The following ENTHD1 variants were observed in gnomAD, a reference collection of about 807,000 sequenced individuals.
ENTHD1 encodes ENTH domain containing 1.
A neutral mutation model predicts 39.1 loss-of-function variants in ENTHD1; 23 were observed. The observed-to-expected ratio is 0.59, with a 90% CI of 0.42 to 0.83. The LOEUF (loss-of-function observed/expected upper bound fraction) is 0.83, where lower values mean the gene tolerates loss of function less well. Ranked by LOEUF, ENTHD1 falls within the 40% of genes least tolerant of loss-of-function variation. The pLI is 0.00. For synonymous variants in ENTHD1, 230 were observed against 258.2 expected (o/e 0.89, Z 1.05); for missense variants, 624 against 705.4 (o/e 0.88, Z 1.31).
chr22:39,805,813 T>G (rs1319348298), intron 5 of ENTHD1, among the ~76,000 whole-genome samples: 3 of 152,206 alleles, frequency 2.0e-5, no homozygotes, highest in Non-Finnish European at 4.4e-5. Context: ...TTGTTTGTTT[T>G]TTTTTGAATT....
chr22:39,823,080 A>G (rs796800093), intron 4 of ENTHD1, among the ~76,000 whole-genome samples: 4 of 152,320 alleles, frequency 2.6e-5, no homozygotes, highest in African/African-American at 9.6e-5. Context: ...CTTCATTTCT[A>G]TAGTTGTGAC....
chr22:39,875,885 C>A (rs2066285228), intron 2 of ENTHD1: 1 of 1,613,856 alleles, frequency 6.2e-7, no homozygotes. Context: ...GAGGGACCCA[C>A]AGCATGATCT....
At chr22:39,836,920 G>A (rs569972465) in intron 3 of ENTHD1, among the ~76,000 whole-genome samples, 8 of 152,084 alleles carry the variant, frequency 5.3e-5, no homozygotes, top group Non-Finnish European at 1.0e-4. Flanking sequence ...CATGCTTCCT[G>A]TACAGCCTGC....
chr22:39,793,095 A>G (rs201163354), intron 5 of ENTHD1, among the ~76,000 whole-genome samples: 20 of 152,260 alleles, frequency 1.3e-4, no homozygotes, highest in East Asian at 3.9e-4. Context: ...GCCAGCATTC[A>G]TTATTCCCTA....
intron 3 of ENTHD1, among the ~76,000 whole-genome samples, chr22:39,853,176 T>C (rs181190581): frequency 5.3e-4 from 81 of 152,318 alleles, no homozygotes; most frequent in Non-Finnish European, 7.5e-4. Flanking sequence ...GGAAACAATG[T>C]ATAATGAAAC....
intron 3 of ENTHD1, among the ~76,000 whole-genome samples, chr22:39,859,032 C>T (rs1406314982): frequency 6.6e-6 from 1 of 152,216 alleles, no homozygotes; most frequent in Non-Finnish European, 1.5e-5. Flanking sequence ...TAACTTGCTA[C>T]AGCTTCTCCA....
In ENTHD1 at chr22:39,743,821, C is replaced by A. The variant is rs1569119980; in HGVS notation, c.1682G>T (p.Arg561Ile). 1 of 1,614,120 alleles carries A rather than the reference C, an allele frequency of 6.2e-7. No homozygotes were observed. The highest frequency in any genetic ancestry group is 8.5e-7 in the Non-Finnish European group (1 of 1,180,004). The part of the protein sequence containing the change: ...LLREVKRAIA[R>I]LHEDLSTVIQ... ...CACTGTGCTCAGATCTTCATGTAAT[C>A]TAGCGATCGCACGTTTTACCTCCCT... The change falls in exon 7 of 7, where the codon AGA becomes ATA. Residue 561 changes from arginine to isoleucine, a missense_variant. Physicochemically the swap from Arg to Ile is moderately conservative, Grantham distance 97. Transcript: ENST00000325157.
intron 5 of ENTHD1, among the ~76,000 whole-genome samples, chr22:39,769,209 GA>G (rs1293652587): frequency 1.3e-5 from 2 of 152,238 alleles, no homozygotes; most frequent in Admixed American, 1.3e-4. Flanking sequence ...CCCAATAAAT[GA>G]ATGAACATGA....
intron 3 of ENTHD1, among the ~76,000 whole-genome samples, chr22:39,851,005 C>A (rs766434679): frequency 2.6e-5 from 4 of 152,144 alleles, no homozygotes; most frequent in Non-Finnish European, 5.9e-5. Context: ...GAAGTATACC[C>A]TTTAATGCAG....
chr22:39,762,923 G>T (rs567355958), intron 6 of ENTHD1, among the ~76,000 whole-genome samples: 1 of 151,670 alleles, frequency 6.6e-6, no homozygotes, highest in Non-Finnish European at 1.5e-5. Flanking sequence ...ATTTCTGGCC[G>T]TTTTTTCATA....
chr22:39,874,055 G>C (rs2066266526), intron 2 of ENTHD1, among the ~76,000 whole-genome samples: 1 of 152,150 alleles, frequency 6.6e-6, no homozygotes, highest in South Asian at 2.1e-4. Flanking sequence ...GATGGTGGCA[G>C]GCAAAGAAAG....
intron 5 of ENTHD1, among the ~76,000 whole-genome samples, chr22:39,789,678 A>C (rs776669337): frequency 3.9e-5 from 6 of 152,232 alleles, no homozygotes; most frequent in Non-Finnish European, 7.3e-5. Context: ...GGACAAAAAG[A>C]CAAAGTCTTT....
At chr22:39,853,457 C>T (rs1348461356) in intron 3 of ENTHD1, among the ~76,000 whole-genome samples, 2 of 152,096 alleles carry the variant, frequency 1.3e-5, no homozygotes, top group Non-Finnish European at 2.9e-5. Context: ...ATCACTTGAA[C>T]CTGAGGGGCA....
In ENTHD1 at chr22:39,791,230, A is replaced by G. The variant is rs532347739; in HGVS notation, c.833-25621T>C. Among the ~76,000 whole-genome samples, 11 of 147,938 alleles carry G rather than the reference A, an allele frequency of 7.4e-5. No individual in the cohort carries two copies. In the East Asian group the frequency reaches 1.6e-3, roughly 21 times the overall value. Reference sequence around the variant, plus strand: ...TAATATCTTTAGACTATATATTTAGACTATATAGTTTTAGAGTATATTTAG... The same window carrying G: ...TAATATCTTTAGACTATATATTTAGGCTATATAGTTTTAGAGTATATTTAG... On this transcript the variant is annotated intron_variant, in intron 5 of 6. Transcript: ENST00000325157.
intron 2 of ENTHD1, among the ~76,000 whole-genome samples, chr22:39,879,404 G>A (rs903317379): frequency 6.8e-6 from 1 of 147,818 alleles, no homozygotes; most frequent in African/African-American, 2.5e-5. Flanking sequence ...CAGAGCTTGC[G>A]GTGAGCCAAG....
At chr22:39,852,509 G>A (rs1206583772) in intron 3 of ENTHD1, among the ~76,000 whole-genome samples, 1 of 152,216 alleles carries the variant, frequency 6.6e-6, no homozygotes, top group African/African-American at 2.4e-5. Context: ...GATGCTTTCT[G>A]AGAAATGCAT....
At chr22:39,813,171 C>T (rs1020754745) in intron 5 of ENTHD1, among the ~76,000 whole-genome samples, 18 of 152,192 alleles carry the variant, frequency 1.2e-4, no homozygotes, top group Non-Finnish European at 1.3e-4. Context: ...ACCGTTTGTA[C>T]ACTTAGAGAA....
intron 5 of ENTHD1, among the ~76,000 whole-genome samples, chr22:39,814,797 G>C (rs1288282812): frequency 6.6e-6 from 1 of 152,012 alleles, no homozygotes; most frequent in Admixed American, 6.5e-5. Flanking sequence ...CAAACTATAA[G>C]AAAATGTTAG....
At chr22:39,844,798 G>A (rs10427892) in intron 3 of ENTHD1, among the ~76,000 whole-genome samples, 12,212 of 152,010 alleles carry the variant, frequency 0.08, 535 homozygotes, top group South Asian at 0.12. Flanking sequence ...CACTTATGAC[G>A]GAGGAGAGGT....
Sources: gnomAD v4.1 joint callset for allele counts (sites outside exome capture counted in the v4.1 genomes callset) on GRCh38, gnomAD v4.1.1 for gene constraint, MANE v1.5 for transcripts, NCBI Gene and HGNC (gene_info 2026-07-23, HGNC 2026-07-21) for gene names.